The following ANKRD30B variants were observed in gnomAD, a reference collection of about 807,000 sequenced individuals.
ANKRD30B encodes ankyrin repeat domain-containing protein 30B.
ANKRD30B carries 144 observed loss-of-function variants against 202.2 expected under a neutral mutation model. The ratio of observed to expected loss-of-function variants is 0.71; its 90% CI spans 0.62 to 0.82. The LOEUF is 0.82. Among genes scored for constraint, ANKRD30B ranks in the 40% least tolerant of loss-of-function variants. The pLI, the probability that ANKRD30B is intolerant of heterozygous loss-of-function variation, is 0.00. For missense variants in ANKRD30B, 1,487 were observed against 1,669.1 expected (o/e 0.89, Z 1.90); for synonymous variants, 508 against 561.3 (o/e 0.91, Z 1.34).
intron 10 of ANKRD30B, among the ~76,000 whole-genome samples, chr18:14,779,445 A>G (rs1967581465): frequency 6.6e-6 from 1 of 152,256 alleles, no homozygotes; most frequent in Admixed American, 6.5e-5. Flanking sequence ...CACACCAAAT[A>G]TACTGTCATG....
the ANKRD30B span, among the ~76,000 whole-genome samples, chr18:14,923,353 T>C: frequency 6.6e-6 from 1 of 152,152 alleles, no homozygotes; most frequent in Non-Finnish European, 1.5e-5. Context: ...TAAGTGAACA[T>C]TGGCAGTGGC....
chr18:14,899,887 A>G, the ANKRD30B span, among the ~76,000 whole-genome samples: 1 of 152,168 alleles, frequency 6.6e-6, no homozygotes, highest in East Asian at 1.9e-4. Context: ...ATGACAATGA[A>G]TGAACTTATT....
rs1967316759 is a variant in ANKRD30B, at chr18:14,775,805, G to T, written c.1330-2180G>T. 2.6e-5 allele frequency among the ~76,000 whole-genome samples: 4 copies of T among 152,212 alleles called. No homozygotes were observed. In the South Asian group the frequency reaches 6.2e-4, roughly 24 times the overall value. The stretch of plus-strand genomic sequence containing the variant: ...TGCATAGTGGTAACAGCAATGAGTG[G>T]ATGTCAAAAGATAAGTCTGTATTTG... On this transcript the variant is annotated intron_variant, in intron 9 of 43. Transcript: ENST00000690538.
At chr18:14,925,084 G>C in the ANKRD30B span, among the ~76,000 whole-genome samples, 3 of 152,232 alleles carry the variant, frequency 2.0e-5, no homozygotes, top group Non-Finnish European at 4.4e-5. Flanking sequence ...ATGAGCCCTT[G>C]TTCCCCCATC....
At chr18:14,799,321 T>A in intron 22 of ANKRD30B, 26 bp downstream of exon 22, 3 of 1,491,774 alleles carry the variant, frequency 2.0e-6, no homozygotes, top group Non-Finnish European at 2.7e-6. Context: ...TTAATTTTAC[T>A]CTGGAATTAA....
chr18:14,786,015 G>A (rs1442224018), intron 14 of ANKRD30B, among the ~76,000 whole-genome samples: 2 of 137,520 alleles, frequency 1.5e-5, no homozygotes, highest in African/African-American at 2.8e-5. Flanking sequence ...TCTGCAGTCC[G>A]GCCTGGGCGA....
Position 14,854,507 on chromosome 18 carries a change from T to G in ANKRD30B, c.*349T>G, listed in dbSNP as rs1972010330. On this transcript the variant is annotated 3_prime_UTR_variant, in exon 44 of 44. Coordinates refer to ENST00000690538, the MANE Select transcript of ANKRD30B (RefSeq NM_001367607.2). Reference sequence around the variant, plus strand: ...ATCCTTATCATGAATCCCTGACACGTTCAGTGTTTTCAGTTATTTTTCTTG... The same window carrying G: ...ATCCTTATCATGAATCCCTGACACGGTCAGTGTTTTCAGTTATTTTTCTTG... Among the ~76,000 whole-genome samples the G allele has an allele frequency of 6.6e-6, 1 of 152,128 alleles. No individual in the cohort carries two copies. Among genetic ancestry groups the G allele is most frequent in the African/African-American group, 2.4e-5 (1 of 41,430 alleles).
intron 34 of ANKRD30B, among the ~76,000 whole-genome samples, chr18:14,834,102 G>A (rs141900270): frequency 0.11 from 16,336 of 152,050 alleles, 1,214 homozygotes; most frequent in Middle Eastern, 0.16. Context: ...ACACAGAATA[G>A]AAACAACCTA....
At chr18:14,921,061 A>G in the ANKRD30B span, among the ~76,000 whole-genome samples, 1 of 152,246 alleles carries the variant, frequency 6.6e-6, no homozygotes, top group African/African-American at 2.4e-5. Flanking sequence ...ATAAGGGGGA[A>G]GAAAGGTGGA....
chr18:14,935,228 T>C, the ANKRD30B span, among the ~76,000 whole-genome samples: 1 of 152,130 alleles, frequency 6.6e-6, no homozygotes, highest in Non-Finnish European at 1.5e-5. Flanking sequence ...GAGAGGGGTA[T>C]GTAAGAGCAG....
chr18:14,925,134 C>T, the ANKRD30B span, among the ~76,000 whole-genome samples: 595 of 152,192 alleles, frequency 3.9e-3, 1 homozygote, highest in African/African-American at 0.014. Flanking sequence ...GAGTTGACAT[C>T]GACATTTTGG....
chr18:14,930,622 CACCTATTAT>C, the ANKRD30B span, among the ~76,000 whole-genome samples: 1 of 152,070 alleles, frequency 6.6e-6, no homozygotes, highest in Non-Finnish European at 1.5e-5. Flanking sequence ...ATTGTCCAGC[CACCTATTAT>C]ACCTTCCACA....
chr18:14,786,959 G>A, intron 14 of ANKRD30B, 80 bp from the exon 15 acceptor site: 5 of 1,382,254 alleles, frequency 3.6e-6, no homozygotes, highest in Non-Finnish European at 4.0e-6. Flanking sequence ...ATTCGTGAAT[G>A]AAAGTAGACT....
chr18:14,908,262 G>C, the ANKRD30B span, among the ~76,000 whole-genome samples: 1 of 152,072 alleles, frequency 6.6e-6, no homozygotes, highest in Non-Finnish European at 1.5e-5. Flanking sequence ...ATCTTTCCTA[G>C]GATCCCTGCA....
the ANKRD30B span, among the ~76,000 whole-genome samples, chr18:14,907,938 G>T: frequency 6.6e-6 from 1 of 151,930 alleles, no homozygotes; most frequent in Non-Finnish European, 1.5e-5. Context: ...TCCCCAGAAG[G>T]TTTCATAATT....
At chr18:14,919,807 AC>A in the ANKRD30B span, among the ~76,000 whole-genome samples, 3 of 152,374 alleles carry the variant, frequency 2.0e-5, no homozygotes, top group East Asian at 5.8e-4. Context: ...GAAGAGTGCC[AC>A]ATAGCTCCTA....
At chr18:14,852,536 A>G in intron 42 of ANKRD30B, 116 bp downstream of exon 42, 4 of 1,285,348 alleles carry the variant, frequency 3.1e-6, no homozygotes, top group Non-Finnish European at 4.0e-6. Context: ...TGTACTTACT[A>G]TATCAGCTTA....
chr18:14,888,258 G>A, the ANKRD30B span, among the ~76,000 whole-genome samples: 1 of 151,940 alleles, frequency 6.6e-6, no homozygotes, highest in Non-Finnish European at 1.5e-5. Flanking sequence ...AGTGTGGCTT[G>A]ATTATCTGAC....
the ANKRD30B span, among the ~76,000 whole-genome samples, chr18:14,916,278 C>T: frequency 5.3e-5 from 8 of 152,144 alleles, no homozygotes; most frequent in South Asian, 1.5e-3. Context: ...GCAGGAATCC[C>T]GTCAGGGAGG....
Sources: gnomAD v4.1 joint callset for allele counts (sites outside exome capture counted in the v4.1 genomes callset) on GRCh38, gnomAD v4.1.1 for gene constraint, MANE v1.5 for transcripts, NCBI Gene and HGNC (gene_info 2026-07-23, HGNC 2026-07-21) for gene names.